RAB20: variants seen among roughly 807,000 people sequenced by gnomAD.
RAB20 encodes ras-related protein Rab-20.
In RAB20, 2 loss-of-function variants were observed where a neutral mutation model predicts 3.7. The ratio of observed to expected loss-of-function variants is 0.54; its 90% CI spans 0.22 to 1.69. RAB20 has a LOEUF of 1.69. Ranked by LOEUF, RAB20 falls within the 40% of genes most tolerant of loss-of-function variation. The pLI, the probability that RAB20 is intolerant of heterozygous loss-of-function variation, is 0.19. For missense variants in RAB20, 276 were observed against 311.9 expected (o/e 0.88, Z 0.87); for synonymous variants, 126 against 130.8 (o/e 0.96, Z 0.25).
chr13:110,525,129 G>A lies in RAB20; in HGVS notation c.173-932C>T, dbSNP rs1042014475. Among the ~76,000 whole-genome samples, 13 of 152,308 alleles carry A rather than the reference G, an allele frequency of 8.5e-5. No individual in the cohort carries two copies. The East Asian group carries it at 9.7e-4, about 11-fold the overall frequency. Reference sequence around the variant, plus strand: ...TGGAGTGTGGGCATCTGCTCTCCCCGTGCCCCCAGCACTTCAGCCTCACGA... The same window carrying A: ...TGGAGTGTGGGCATCTGCTCTCCCCATGCCCCCAGCACTTCAGCCTCACGA... On this transcript the variant is annotated intron_variant, in intron 1 of 1. Coordinates refer to ENST00000267328, the MANE Select transcript of RAB20 (RefSeq NM_017817.3).
chr13:110,531,887 A>T (rs1884547201), intron 1 of RAB20, among the ~76,000 whole-genome samples: 1 of 152,198 alleles, frequency 6.6e-6, no homozygotes, highest in South Asian at 2.1e-4. Context: ...GGGTTCAGGC[A>T]GAAGGGGAAG....
In RAB20 at chr13:110,527,648, A is replaced by G. The variant is rs538942288; in HGVS notation, c.173-3451T>C. Among the ~76,000 whole-genome samples, 5 of 152,334 alleles carry G rather than the reference A, an allele frequency of 3.3e-5. No individual in the cohort carries two copies. In the South Asian group the frequency reaches 1.0e-3, roughly 32 times the overall value. On this transcript the variant is annotated intron_variant, in intron 1 of 1. Coordinates refer to ENST00000267328, the MANE Select transcript of RAB20 (RefSeq NM_017817.3). Reference sequence around the variant, plus strand: ...CATTCCTCCCTTCCGCACGCCTACCAGGGGTCAGCTTCAGACTGAGAAGTC... The same window carrying G: ...CATTCCTCCCTTCCGCACGCCTACCGGGGGTCAGCTTCAGACTGAGAAGTC...
intron 1 of RAB20, among the ~76,000 whole-genome samples, chr13:110,551,507 C>G (rs1169161710): frequency 6.6e-6 from 1 of 152,062 alleles, no homozygotes; most frequent in Non-Finnish European, 1.5e-5. Flanking sequence ...GTGACCAGAT[C>G]CAGGAGGCCT....
Position 110,523,805 on chromosome 13 carries a change from T to C in RAB20, c.565A>G (p.Asn189Asp), listed in dbSNP as rs1884377018. Reference protein sequence around the residue: ...CFETSAKTGYNVDLLFETLFD... With the variant: ...CFETSAKTGYDVDLLFETLFD... ...AGGGTCTCAAACAGGAGGTCCACAT[T>C]GTAGCCGGTCTTGGCGCTGGTCTCA... is the stretch of plus-strand genomic sequence containing the variant. The change falls in exon 2 of 2, where the codon AAT becomes GAT. Residue 189 changes from asparagine (N) to aspartate (D), a missense_variant. Asn to Asp is a conservative substitution (Grantham distance 23). Transcript: ENST00000267328. 1 of 1,614,212 alleles carries C rather than the reference T, an allele frequency of 6.2e-7. No individual in the cohort carries two copies. The highest frequency in any genetic ancestry group is 1.3e-5 in the African/African-American group (1 of 75,044).
At chr13:110,550,706 TCTC>T (rs1324435909) in intron 1 of RAB20, among the ~76,000 whole-genome samples, 1 of 152,138 alleles carries the variant, frequency 6.6e-6, no homozygotes, top group Non-Finnish European at 1.5e-5. Context: ...GGATCTGCCT[TCTC>T]CTTGCCACCT....
intron 1 of RAB20, among the ~76,000 whole-genome samples, chr13:110,552,065 C>T (rs911385971): frequency 1.1e-4 from 16 of 151,836 alleles, no homozygotes; most frequent in Admixed American, 4.6e-4. Flanking sequence ...TGACAGAAGA[C>T]GACCCTGTCT....
chr13:110,547,751 T>C (rs924099903), intron 1 of RAB20, among the ~76,000 whole-genome samples: 1 of 152,222 alleles, frequency 6.6e-6, no homozygotes, highest in Non-Finnish European at 1.5e-5. Context: ...CTCTGGCACA[T>C]ATTAAGTGTT....
At chr13:110,537,046 A>G (rs1884659299) in intron 1 of RAB20, among the ~76,000 whole-genome samples, 1 of 150,652 alleles carries the variant, frequency 6.6e-6, no homozygotes, top group African/African-American at 2.5e-5. Context: ...CAGTGGTGCA[A>G]TCGTAGCTCA....
At chr13:110,536,313 C>A (rs1884638083) in intron 1 of RAB20, among the ~76,000 whole-genome samples, 1 of 152,164 alleles carries the variant, frequency 6.6e-6, no homozygotes, top group Non-Finnish European at 1.5e-5. Context: ...TGAAGCCCTC[C>A]CACTTTGTGG....
intron 1 of RAB20, among the ~76,000 whole-genome samples, chr13:110,533,850 C>G (rs2064742269): frequency 6.6e-6 from 1 of 152,224 alleles, no homozygotes. Context: ...GCTGGGCTGC[C>G]TGGAGCCAGC....
In RAB20 at chr13:110,541,816, CCA is replaced by C. The variant is rs10624545; in HGVS notation, c.173-17621_173-17620del. Among the ~76,000 whole-genome samples the C allele has an allele frequency of 8.2e-3, 1,225 of 149,492 alleles. 14 individuals are homozygous for C. Among genetic ancestry groups the C allele is most frequent in the African/African-American group, 0.028 (1,146 of 40,754 alleles). ...TTCAAGTGCCAGGCGGAGTGTCCAG[CCA>C]CACACACACACACACACACACACTC... is the stretch of plus-strand genomic sequence containing the variant. On this transcript the variant is annotated intron_variant, in intron 1 of 1. Transcript: ENST00000267328.
intron 1 of RAB20, among the ~76,000 whole-genome samples, chr13:110,540,538 T>A (rs1884738536): frequency 6.6e-6 from 1 of 151,352 alleles, no homozygotes; most frequent in Non-Finnish European, 1.5e-5. Context: ...AGGTCAGGAG[T>A]TCGAGACCAG....
chr13:110,558,071 G>C (rs934141296), intron 1 of RAB20, among the ~76,000 whole-genome samples: 3 of 152,244 alleles, frequency 2.0e-5, no homozygotes, highest in Non-Finnish European at 4.4e-5. Context: ...CCCAAACAGT[G>C]CCCGGCACCG....
At chr13:110,528,737 G>T (rs1298130467) in intron 1 of RAB20, among the ~76,000 whole-genome samples, 1 of 152,122 alleles carries the variant, frequency 6.6e-6, no homozygotes, top group African/African-American at 2.4e-5. Context: ...AAAAATGCCT[G>T]ATTTGCCTTT....
rs1488930265 is a variant in RAB20 at position 110,561,524 on chromosome 13, C to G, written c.-5G>C. On this transcript the variant is annotated 5_prime_UTR_variant, in exon 1 of 2. Coordinates refer to ENST00000267328, the MANE Select transcript of RAB20 (RefSeq NM_017817.3). The stretch of plus-strand genomic sequence containing the variant: ...CTTGCTGTCGGGCTTCCTCATCTTC[C>G]CGTAAGAACCCCCAGCGCCCCCGCG... 6.4e-7 allele frequency: 1 copy of G among 1,560,720 alleles called. No individual in the cohort carries two copies. Among genetic ancestry groups the G allele is most frequent in the African/African-American group, 1.4e-5 (1 of 71,196 alleles).
At chr13:110,536,725 G>C (rs1309883819) in intron 1 of RAB20, among the ~76,000 whole-genome samples, 1 of 70,270 alleles carries the variant, frequency 1.4e-5, no homozygotes, top group Non-Finnish European at 2.9e-5. Flanking sequence ...TTTTTTTGGG[G>C]CGGTGGGGGG....
chr13:110,548,380 A>T (rs1176723139), intron 1 of RAB20, among the ~76,000 whole-genome samples: 2 of 152,090 alleles, frequency 1.3e-5, no homozygotes, highest in Non-Finnish European at 2.9e-5. Context: ...GCTTCTCGGG[A>T]GGCTGAGGCA....
chr13:110,539,518 T>C (rs1884715878), intron 1 of RAB20, among the ~76,000 whole-genome samples: 1 of 152,006 alleles, frequency 6.6e-6, no homozygotes, highest in African/African-American at 2.4e-5. Context: ...CCTTTAAATA[T>C]ACATCAATGC....
chr13:110,553,406 C>A (rs921325413), intron 1 of RAB20, among the ~76,000 whole-genome samples: 3 of 152,196 alleles, frequency 2.0e-5, no homozygotes, highest in Admixed American at 6.5e-5. Context: ...GCGTCTATAC[C>A]TATGGGAACA....
Sources: allele counts gnomAD v4.1 joint callset (sites outside exome capture counted in the v4.1 genomes callset), GRCh38; gene constraint gnomAD v4.1.1; transcripts MANE v1.5; gene names NCBI Gene and HGNC (gene_info 2026-07-23, HGNC 2026-07-21).